MEI4: variants seen among roughly 807,000 people sequenced by gnomAD.
MEI4 encodes the protein meiosis-specific protein MEI4.
A neutral mutation model predicts 31.4 loss-of-function variants in MEI4; 27 were observed. That is an observed-to-expected ratio of 0.86 (90% CI 0.63 to 1.19). MEI4 has a LOEUF of 1.19. Among genes scored for constraint, MEI4 ranks in the 50% most tolerant of loss-of-function variants. The probability of loss-of-function intolerance (pLI) is 0.00; values close to 1 mark genes in which losing one functional copy is unlikely to be tolerated. For missense variants in MEI4, 329 were observed against 398.9 expected (o/e 0.82, Z 1.49); for synonymous variants, 122 against 145.4 (o/e 0.84, Z 1.16).
At chr6:77,880,482 C>A (rs1771458875) in intron 4 of MEI4, among the ~76,000 whole-genome samples, 1 of 151,996 alleles carries the variant, frequency 6.6e-6, no homozygotes, top group Non-Finnish European at 1.5e-5. Context: ...GTATTTATGT[C>A]ATTTTGTATA....
chr6:77,672,222 A>T (rs1285170317), intron 1 of MEI4, among the ~76,000 whole-genome samples: 1 of 152,240 alleles, frequency 6.6e-6, no homozygotes, highest in Non-Finnish European at 1.5e-5. Flanking sequence ...CTTTAGACCT[A>T]TGAATTATTG....
intron 3 of MEI4, among the ~76,000 whole-genome samples, chr6:77,815,545 G>A (rs1187792503): frequency 6.6e-6 from 1 of 151,916 alleles, no homozygotes; most frequent in African/African-American, 2.4e-5. Context: ...TTTCTTTTTT[G>A]TTAAATATTG....
At chr6:77,689,606 T>A (rs896844308) in intron 1 of MEI4, among the ~76,000 whole-genome samples, 3 of 151,990 alleles carry the variant, frequency 2.0e-5, no homozygotes, top group Admixed American at 2.0e-4. Context: ...TATAAGAAAT[T>A]CAGGGCATCA....
intron 4 of MEI4, among the ~76,000 whole-genome samples, chr6:77,874,702 T>C (rs1471379451): frequency 6.6e-6 from 1 of 152,148 alleles, no homozygotes; most frequent in East Asian, 1.9e-4. Flanking sequence ...AAGGGAATGC[T>C]TCCAGTTTTT....
intron 2 of MEI4, among the ~76,000 whole-genome samples, chr6:77,691,643 G>A (rs1327909107): frequency 6.6e-6 from 1 of 152,032 alleles, no homozygotes; most frequent in Non-Finnish European, 1.5e-5. Context: ...GGGAAGTTGG[G>A]ACCGGATTCA....
At chr6:77,759,059 G>A (rs1767982538) in intron 2 of MEI4, among the ~76,000 whole-genome samples, 1 of 151,442 alleles carries the variant, frequency 6.6e-6, no homozygotes, top group African/African-American at 2.5e-5. Flanking sequence ...TATGAATGAG[G>A]TAACTGGTGT....
rs182358712 is a variant in MEI4, at chr6:77,789,262, G to A, written c.768+27597G>A. 3.3e-3 allele frequency among the ~76,000 whole-genome samples: 510 copies of A among 152,256 alleles called. 2 individuals are homozygous for A. Among genetic ancestry groups the A allele is most frequent in the African/African-American group, 0.012 (497 of 41,536 alleles). On this transcript the variant is annotated intron_variant, in intron 3 of 4. Transcript: ENST00000684080. Reference sequence around the variant, plus strand: ...CTTATACAAAAATCAATTCAAGATGGATTAAAGACTTAAACATTAGACCTA... The same window carrying A: ...CTTATACAAAAATCAATTCAAGATGAATTAAAGACTTAAACATTAGACCTA...
intron 2 of MEI4, among the ~76,000 whole-genome samples, chr6:77,757,541 G>T (rs1767945460): frequency 1.3e-5 from 2 of 152,186 alleles, no homozygotes; most frequent in African/African-American, 2.4e-5. Context: ...AGATGGAGTG[G>T]ATGTGGCTTG....
At chr6:77,836,725 T>C (rs1329098867) in intron 4 of MEI4, among the ~76,000 whole-genome samples, 1 of 151,996 alleles carries the variant, frequency 6.6e-6, no homozygotes, top group African/African-American at 2.4e-5. Context: ...CCTATTTCAG[T>C]TGAGAGAGGA....
At chr6:77,801,986 C>G (rs1037841011) in intron 3 of MEI4, among the ~76,000 whole-genome samples, 1 of 152,094 alleles carries the variant, frequency 6.6e-6, no homozygotes, top group Non-Finnish European at 1.5e-5. Context: ...TGTATTAGGT[C>G]CGCTTGGTGA....
At chr6:77,750,321 C>T (rs1357628234) in intron 2 of MEI4, among the ~76,000 whole-genome samples, 2 of 152,152 alleles carry the variant, frequency 1.3e-5, no homozygotes, top group African/African-American at 2.4e-5. Flanking sequence ...ATGACACAGA[C>T]TGGCAAACTG....
chr6:77,876,746 T>C (rs1581944245), intron 4 of MEI4, among the ~76,000 whole-genome samples: 1 of 152,246 alleles, frequency 6.6e-6, no homozygotes, highest in Non-Finnish European at 1.5e-5. Context: ...ACCATGTTTC[T>C]GCCAAATCAA....
At chr6:77,702,815 C>T (rs10943480) in intron 2 of MEI4, among the ~76,000 whole-genome samples, 114,234 of 152,086 alleles carry the variant, frequency 0.75, 43,130 homozygotes, top group East Asian at 0.86. Flanking sequence ...CAAATTTCTT[C>T]CACTTATTTG....
intron 4 of MEI4, among the ~76,000 whole-genome samples, chr6:77,857,503 T>A (rs2127719989): frequency 6.6e-6 from 1 of 152,264 alleles, no homozygotes; most frequent in Non-Finnish European, 1.5e-5. Flanking sequence ...GTGCCACAAT[T>A]TGTCACCTGT....
Position 77,664,778 on chromosome 6 carries a change from C to T in MEI4, c.-15+11686C>T, listed in dbSNP as rs191869945. ...TTAAAGAATGCCTGGACATCAGGCACCTCAGACCGTTTGCCTTTTCTAAGA... is the reference window on the plus strand; with the variant it reads ...TTAAAGAATGCCTGGACATCAGGCATCTCAGACCGTTTGCCTTTTCTAAGA... On this transcript the variant is annotated intron_variant, in intron 1 of 4. Transcript: ENST00000684080. Among the ~76,000 whole-genome samples, 367 of 152,132 alleles carry T rather than the reference C, an allele frequency of 2.4e-3. 3 individuals are homozygous for T. Among genetic ancestry groups the T allele is most frequent in the Non-Finnish European group, 4.2e-3 (286 of 67,998 alleles).
intron 1 of MEI4, among the ~76,000 whole-genome samples, chr6:77,680,961 C>G (rs1044053717): frequency 6.6e-6 from 1 of 152,162 alleles, no homozygotes; most frequent in African/African-American, 2.4e-5. Flanking sequence ...ACTCAGAAGG[C>G]TTTACATAAT....
chr6:77,778,066 T>C (rs1768501040), intron 3 of MEI4, among the ~76,000 whole-genome samples: 1 of 149,558 alleles, frequency 6.7e-6, no homozygotes, highest in African/African-American at 2.5e-5. Flanking sequence ...AGTTTAAACA[T>C]TGAGTAATGA....
At chr6:77,726,473 A>G (rs1266218598) in intron 2 of MEI4, among the ~76,000 whole-genome samples, 1 of 152,184 alleles carries the variant, frequency 6.6e-6, no homozygotes, top group Non-Finnish European at 1.5e-5. Flanking sequence ...CAGAGAAGAG[A>G]CAGCATGTGA....
chr6:77,822,451 CTT>C (rs35773797), intron 3 of MEI4, among the ~76,000 whole-genome samples: 1 of 152,068 alleles, frequency 6.6e-6, no homozygotes, highest in Admixed American at 6.6e-5. Flanking sequence ...TCTAATTCTA[CTT>C]TTTTTCAAAT....
Sources: allele counts gnomAD v4.1 joint callset (sites outside exome capture counted in the v4.1 genomes callset), GRCh38; gene constraint gnomAD v4.1.1; transcripts MANE v1.5; gene names NCBI Gene and HGNC (gene_info 2026-07-23, HGNC 2026-07-21).